DPP10: variants seen among roughly 807,000 people sequenced by gnomAD.
DPP10 encodes dipeptidyl peptidase like 10.
A neutral mutation model predicts 120.9 loss-of-function variants in DPP10; 33 were observed. The observed-to-expected ratio is 0.27, with a 90% CI of 0.21 to 0.37. DPP10 has a LOEUF of 0.37. DPP10 is among the 10% of genes least tolerant of loss of function. DPP10 has a pLI of 1.00. For missense variants in DPP10, 816 were observed against 942.8 expected, an observed-to-expected ratio of 0.87 and a Z score of 1.76; for synonymous variants, 337 against 326.1, an observed-to-expected ratio of 1.03 and a Z score of -0.36.
chr2:115,320,407 GT>G (rs938600534), intron 2 of DPP10, among the ~76,000 whole-genome samples: 15 of 150,824 alleles, frequency 9.9e-5, no homozygotes, highest in South Asian at 4.2e-4. Context: ...CCTTTTACGT[GT>G]TTTTTTTCTT....
At chr2:115,550,192 A>G (rs1274225292) in intron 5 of DPP10, among the ~76,000 whole-genome samples, 2 of 152,172 alleles carry the variant, frequency 1.3e-5, no homozygotes, top group East Asian at 1.9e-4. Context: ...ATAAAAATAC[A>G]TAGTTATAGA....
At chr2:114,931,384 A>G (rs1483432720) in intron 1 of DPP10, among the ~76,000 whole-genome samples, 1 of 152,182 alleles carries the variant, frequency 6.6e-6, no homozygotes, top group Non-Finnish European at 1.5e-5. Context: ...ACATGGGCAG[A>G]GATCACACAC....
chr2:114,473,693 C>G (rs377490429), intron 1 of DPP10, among the ~76,000 whole-genome samples: 1 of 152,012 alleles, frequency 6.6e-6, no homozygotes, highest in Admixed American at 6.6e-5. Context: ...AAGGTAAACA[C>G]GTGCAATAGA....
intron 1 of DPP10, among the ~76,000 whole-genome samples, chr2:114,855,954 A>AT (rs1174833878): frequency 1.3e-5 from 2 of 151,906 alleles, no homozygotes; most frequent in Non-Finnish European, 2.9e-5. Context: ...AGGCTAAAAA[A>AT]AAAAAGCCAC....
At chr2:115,573,580 C>CA (rs2081472095) in intron 5 of DPP10, among the ~76,000 whole-genome samples, 1 of 126,282 alleles carries the variant, frequency 7.9e-6, no homozygotes, top group Non-Finnish European at 1.6e-5. Context: ...CTGCGCCCGG[C>CA]CTTTTTTTTT....
chr2:115,291,353 C>T (rs940271440), intron 1 of DPP10, among the ~76,000 whole-genome samples: 1 of 152,014 alleles, frequency 6.6e-6, no homozygotes, highest in Non-Finnish European at 1.5e-5. Context: ...GGACTAAATA[C>T]TCAAGGTCAT....
chr2:115,381,676 T>G (rs556502469), intron 3 of DPP10, among the ~76,000 whole-genome samples: 3 of 152,316 alleles, frequency 2.0e-5, no homozygotes, highest in East Asian at 3.9e-4. Context: ...TTCCCCATCT[T>G]TGTGGTTTTA....
chr2:115,761,666 G>T (rs922481682), intron 11 of DPP10, among the ~76,000 whole-genome samples: 67 of 151,440 alleles, frequency 4.4e-4, no homozygotes, highest in Middle Eastern at 3.4e-3. Flanking sequence ...GATTTTTTTT[G>T]ATATCTTCAC....
chr2:115,219,272 G>A (rs188257112), intron 1 of DPP10, among the ~76,000 whole-genome samples: 101 of 152,060 alleles, frequency 6.6e-4, no homozygotes, highest in Admixed American at 2.4e-3. Context: ...CAAAATTCTC[G>A]AAAATGAACA....
At chr2:115,280,530 A>G (rs1191523883) in intron 1 of DPP10, among the ~76,000 whole-genome samples, 2 of 152,210 alleles carry the variant, frequency 1.3e-5, no homozygotes, top group African/African-American at 2.4e-5. Context: ...TGTTAAGCAG[A>G]TAGATACTCA....
rs1484104035 is a variant in DPP10, at chr2:114,567,054, C to T, written c.60+124216C>T. Among the ~76,000 whole-genome samples the T allele has an allele frequency of 2.0e-5, 3 of 152,182 alleles. No homozygotes were observed. The East Asian group carries it at 5.8e-4, about 29-fold the overall frequency. Reference sequence around the variant, plus strand: ...TTGCCTCTGACTACCATACTCCACTCCAGGCTCCCTCCTTCCTATCTCCCA... The same window carrying T: ...TTGCCTCTGACTACCATACTCCACTTCAGGCTCCCTCCTTCCTATCTCCCA... On this transcript the variant is annotated intron_variant, in intron 1 of 25. Coordinates refer to ENST00000410059, the MANE Select transcript of DPP10 (RefSeq NM_020868.6).
chr2:115,440,644 G>T (rs959732827), intron 3 of DPP10, among the ~76,000 whole-genome samples: 1 of 151,844 alleles, frequency 6.6e-6, no homozygotes, highest in Non-Finnish European at 1.5e-5. Flanking sequence ...AAGGGGAGGG[G>T]GACTCAAATG....
intron 3 of DPP10, among the ~76,000 whole-genome samples, chr2:115,345,338 A>G (rs184026469): frequency 9.5e-4 from 144 of 152,314 alleles, no homozygotes; most frequent in African/African-American, 3.1e-3. Flanking sequence ...AATGAGTGCT[A>G]TGACTAAAGA....
intron 1 of DPP10, among the ~76,000 whole-genome samples, chr2:115,131,675 C>G (rs1160589084): frequency 6.6e-6 from 1 of 152,046 alleles, no homozygotes; most frequent in East Asian, 1.9e-4. Flanking sequence ...GATTTGTTAT[C>G]AGAAAAAACA....
intron 3 of DPP10, among the ~76,000 whole-genome samples, chr2:115,435,818 A>G (rs1478276721): frequency 6.6e-6 from 1 of 151,874 alleles, no homozygotes; most frequent in Non-Finnish European, 1.5e-5. Flanking sequence ...GTAGTTTCAT[A>G]TGTTCATGTC....
intron 21 of DPP10, among the ~76,000 whole-genome samples, 199 bp downstream of exon 21, chr2:115,815,928 T>C (rs149704909): frequency 2.6e-5 from 4 of 151,620 alleles, no homozygotes; most frequent in African/African-American, 9.7e-5. Context: ...AATGTATATA[T>C]ATAATATATG....
At chr2:115,589,745 T>G (rs1351400503) in intron 5 of DPP10, among the ~76,000 whole-genome samples, 1 of 152,130 alleles carries the variant, frequency 6.6e-6, no homozygotes, top group Non-Finnish European at 1.5e-5. Flanking sequence ...AAACAAAAGT[T>G]TAAACAAAAC....
At chr2:115,265,931 G>A (rs541874405) in intron 1 of DPP10, among the ~76,000 whole-genome samples, 13 of 145,632 alleles carry the variant, frequency 8.9e-5, no homozygotes, top group African/African-American at 2.8e-4. Flanking sequence ...GCGATGGAGC[G>A]AGACTCTATT....
chr2:115,434,587 C>T (rs762947027), intron 3 of DPP10, among the ~76,000 whole-genome samples: 15 of 148,918 alleles, frequency 1.0e-4, no homozygotes, highest in African/African-American at 2.7e-4. Context: ...TTTGGAGGTA[C>T]GTGTGATAGT....
Sources: allele counts gnomAD v4.1 joint callset (sites outside exome capture counted in the v4.1 genomes callset), GRCh38; gene constraint gnomAD v4.1.1; transcripts MANE v1.5; gene names NCBI Gene and HGNC (gene_info 2026-07-23, HGNC 2026-07-21).